MVK: variants seen among roughly 807,000 people sequenced by gnomAD.
MVK encodes mevalonate kinase, also known as LH receptor mRNA-binding protein.
A neutral mutation model predicts 43.2 loss-of-function variants in MVK; 34 were observed. The observed-to-expected ratio is 0.79, with a 90% CI of 0.60 to 1.05. MVK has a LOEUF of 1.05. MVK is among the 50% of genes least tolerant of loss of function. The pLI is 0.00. For missense variants in MVK, 395 were observed against 504.0 expected (o/e 0.78, Z 2.07); for synonymous variants, 190 against 219.8 (o/e 0.86, Z 1.20).
rs1007475363 is a variant in MVK, at chr12:109,595,464, C to T, written c.1039+283C>T. On this transcript the variant is annotated intron_variant, in intron 10 of 10. Coordinates refer to ENST00000228510, the MANE Select transcript of MVK (RefSeq NM_000431.4). This position sits in a 1 kb window ranked among gnomAD's most constrained non-coding sequence, Gnocchi z 5.9. ...TGGGGCTCCTGTCATCGGGGCTGTC[C>T]GCACAAGCTTGGGAAGTAACCAGGG... Among the ~76,000 whole-genome samples the T allele has an allele frequency of 5.9e-5, 9 of 152,208 alleles. No individual in the cohort carries two copies. The highest frequency in any genetic ancestry group is 1.7e-4 in the African/African-American group (7 of 41,534).
chr12:109,578,273 T>TG (rs1056938383), intron 3 of MVK, among the ~76,000 whole-genome samples: 11 of 152,042 alleles, frequency 7.2e-5, no homozygotes, highest in Non-Finnish European at 1.5e-4. Context: ...ACTTTTTTTT[T>TG]TTTTTTAAGA....
intron 9 of MVK, among the ~76,000 whole-genome samples, chr12:109,591,856 A>T (rs72648033): frequency 1.9e-4 from 29 of 152,314 alleles, no homozygotes; most frequent in Non-Finnish European, 4.0e-4. Context: ...ATTCTAGTGT[A>T]GAGGTTGTGA....
At chr12:109,584,701 A>C (rs1885361493) in intron 5 of MVK, among the ~76,000 whole-genome samples, 1 of 152,116 alleles carries the variant, frequency 6.6e-6, no homozygotes, top group South Asian at 2.1e-4. Context: ...CCTGGCCAAC[A>C]CAGCAAAAAC....
chr12:109,581,642 G>A, intron 5 of MVK, 92 bp downstream of exon 5: 2 of 1,572,636 alleles, frequency 1.3e-6, no homozygotes, highest in Non-Finnish European at 1.7e-6. Flanking sequence ...CTCCCTGTGA[G>A]GTGAGAGGTG....
intron 3 of MVK, among the ~76,000 whole-genome samples, chr12:109,576,908 C>A (rs1884983441): frequency 6.6e-6 from 1 of 152,030 alleles, no homozygotes; most frequent in South Asian, 2.1e-4. Context: ...GTACAAGTTA[C>A]CTATGCTTAT....
chr12:109,594,565 A>T (rs1231445021), intron 9 of MVK, among the ~76,000 whole-genome samples: 1 of 152,256 alleles, frequency 6.6e-6, no homozygotes, highest in Non-Finnish European at 1.5e-5. Context: ...GGTATAGCTC[A>T]ATCCAGGGGC....
At chr12:109,588,739 T>C (rs942534315) in intron 7 of MVK, 5 of 152,284 alleles carry the variant, frequency 3.3e-5, no homozygotes, top group Non-Finnish European at 7.3e-5. Context: ...ATTAAGCACC[T>C]ACTGCGTGCT....
rs1294328485 is a variant in MVK, at chr12:109,579,679, C to G, written c.227-123C>G. ...AACAGACTTGGGTGTGGGGTTCAGA[C>G]CATAAATTCGTGTCCATCCATGTTC... is the stretch of plus-strand genomic sequence containing the variant. On this transcript the variant is annotated intron_variant, in intron 3 of 10. Coordinates refer to ENST00000228510, the MANE Select transcript of MVK (RefSeq NM_000431.4). 11 of 1,348,390 alleles carry G rather than the reference C, an allele frequency of 8.2e-6. No individual in the cohort carries two copies. The Admixed American group carries it at 2.1e-4, about 25-fold the overall frequency. 83.5% of individuals were successfully genotyped at this position (1,348,390 alleles called of 1,614,324 possible). A position where few individuals can be genotyped will look rare whatever the true frequency, so the allele number is the denominator to read the frequency against.
intron 8 of MVK, 117 bp downstream of exon 8, chr12:109,590,978 C>T: frequency 1.7e-6 from 2 of 1,144,138 alleles, no homozygotes; most frequent in Non-Finnish European, 2.6e-6. Flanking sequence ...GTGGTGGGGG[C>T]CCTTAGGGAG....
chr12:109,579,985 T>A (rs1885143124), intron 4 of MVK, 39 bp downstream of exon 4: 1 of 1,613,744 alleles, frequency 6.2e-7, no homozygotes, highest in Admixed American at 1.7e-5. Context: ...AGATTCAGCC[T>A]CCCATGGAGA....
In MVK at chr12:109,596,832, C is replaced by T. The variant is rs1057246520; in HGVS notation, c.*255C>T. ...GTCCTCTGAGACTCCAGACCTGAGG[C>T]GAGAAGGGCTGCTTCCCTGAAGCTC... On this transcript the variant is annotated 3_prime_UTR_variant, in exon 11 of 11. Transcript: ENST00000228510. 8.7e-6 allele frequency: 5 copies of T among 573,704 alleles called. No individual in the cohort carries two copies. The highest frequency in any genetic ancestry group is 3.0e-5 in the Admixed American group (1 of 32,922). 35.5% of individuals were successfully genotyped at this position (573,704 alleles called of 1,614,324 possible). A position where few individuals can be genotyped will look rare whatever the true frequency, so the allele number is the denominator to read the frequency against.
Position 109,595,193 on chromosome 12 carries a change from G to A in MVK, c.1039+12G>A. The A allele has an allele frequency of 1.9e-6, 3 of 1,613,816 alleles. No homozygotes were observed. Among genetic ancestry groups the A allele is most frequent in the Admixed American group, 1.7e-5 (1 of 60,022 alleles). On this transcript the variant is annotated intron_variant, in intron 10 of 10. Coordinates refer to ENST00000228510, the MANE Select transcript of MVK (RefSeq NM_000431.4). The surrounding 1 kb of genome is among the most constrained non-coding windows in gnomAD (Gnocchi z 5.9). ...ACTCCTCAAGCCAGGTATCCCGGGG[G>A]TAGGTGGGCCAGGCTGCCAGCCTGG...
chr12:109,573,600 CA>C (rs1264806290), upstream of MVK: 5 of 1,218,530 alleles, frequency 4.1e-6, no homozygotes, highest in Middle Eastern at 2.6e-4. Flanking sequence ...TCGCAGTTCT[CA>C]CCCCAGGGCG....
upstream of MVK, chr12:109,573,294 G>T: frequency 6.2e-7 from 1 of 1,610,052 alleles, no homozygotes; most frequent in South Asian, 1.1e-5. Context: ...CCATGGCGAC[G>T]ACACCACGAT....
chr12:109,596,563 C>CT lies in MVK; in HGVS notation c.1178dup (p.Asp394GlyfsTer96). On this transcript the variant is annotated frameshift_variant, in exon 11 of 11. Coordinates refer to ENST00000228510, the MANE Select transcript of MVK (RefSeq NM_000431.4). LOFTEE classifies it high-confidence loss of function. The stretch of plus-strand genomic sequence containing the variant: ...CCTGGACAGCCGAGTCCAGCAAGCC[C>CT]TGGATGGCCTCTGAGAGGAGCCCAC... The CT allele has an allele frequency of 6.2e-7, 1 of 1,610,274 alleles. No homozygotes were observed. The highest frequency in any genetic ancestry group is 1.1e-5 in the South Asian group (1 of 91,076).
At chr12:109,577,225 A>G (rs1884997361) in intron 3 of MVK, among the ~76,000 whole-genome samples, 1 of 152,126 alleles carries the variant, frequency 6.6e-6, no homozygotes, top group Admixed American at 6.5e-5. Flanking sequence ...AGCTTTTTCC[A>G]TCAGTGGAGT....
intron 4 of MVK, among the ~76,000 whole-genome samples, chr12:109,580,971 A>G (rs1278694962): frequency 3.9e-5 from 6 of 152,088 alleles, no homozygotes; most frequent in Admixed American, 1.3e-4. Flanking sequence ...AAAGTGTCAC[A>G]GTGGAAGCGA....
chr12:109,594,339 C>T (rs1274265936), intron 9 of MVK, among the ~76,000 whole-genome samples: 2 of 152,210 alleles, frequency 1.3e-5, no homozygotes, highest in African/African-American at 4.8e-5. Context: ...TCCTGCATAA[C>T]TGAAGAAACC....
In MVK at chr12:109,573,801, G is replaced by C; in HGVS notation, c.-87G>C. On this transcript the variant is annotated 5_prime_UTR_variant, in exon 1 of 11. Transcript: ENST00000228510. ...TCCCCTTGAGGCACGGGCGCTCTGG[G>C]TTGTGGGAGTTGGGGAGCTGCTCCG... is the stretch of plus-strand genomic sequence containing the variant. 2.8e-6 allele frequency: 1 copy of C among 354,978 alleles called. No homozygotes were observed. The highest frequency in any genetic ancestry group is 5.3e-6 in the Non-Finnish European group (1 of 188,518). The allele number at this position is 354,978 out of a possible 1,614,324, so 22.0% of individuals were successfully genotyped here. A position where few individuals can be genotyped will look rare whatever the true frequency, so the allele number is the denominator to read the frequency against.
Sources: gnomAD v4.1 joint callset for allele counts (sites outside exome capture counted in the v4.1 genomes callset) on GRCh38, gnomAD v4.1.1 for gene constraint, Gnocchi (gnomAD v3.1) non-coding constraint, MANE v1.5 for transcripts, NCBI Gene and HGNC (gene_info 2026-07-23, HGNC 2026-07-21) for gene names.